Variants in SAMD5 observed in about 807,000 individuals in gnomAD.
SAMD5 encodes the protein sterile alpha motif domain-containing protein 5.
SAMD5 carries 13 observed loss-of-function variants against 11.3 expected under a neutral mutation model. That is an observed-to-expected ratio of 1.15 (90% CI 0.75 to 1.83). The LOEUF is 1.83. SAMD5 is among the 40% of genes most tolerant of loss of function. The pLI is 0.00. For missense variants in SAMD5, 255 were observed against 239.1 expected (o/e 1.07, Z -0.44); for synonymous variants, 129 against 111.3 (o/e 1.16, Z -1.00).
intron 1 of SAMD5, among the ~76,000 whole-genome samples, chr6:147,602,434 A>G (rs1406379829): frequency 6.6e-6 from 1 of 152,166 alleles, no homozygotes; most frequent in East Asian, 1.9e-4. Flanking sequence ...GTGGAAACAA[A>G]CATTGTCACA....
At chr6:147,870,612 A>G in the SAMD5 span, among the ~76,000 whole-genome samples, 2 of 151,674 alleles carry the variant, frequency 1.3e-5, no homozygotes, top group African/African-American at 4.8e-5. Context: ...CTGACACACA[A>G]GGGGGTGTTC....
the SAMD5 span, among the ~76,000 whole-genome samples, chr6:147,849,443 T>C: frequency 1.1e-3 from 164 of 152,264 alleles, 1 homozygote; most frequent in African/African-American, 3.7e-3. Context: ...AAATACGTAC[T>C]TTTTTTCTCC....
intron 1 of SAMD5, among the ~76,000 whole-genome samples, chr6:147,532,849 G>T (rs1788450570): frequency 6.6e-6 from 1 of 152,074 alleles, no homozygotes; most frequent in South Asian, 2.1e-4. Context: ...GTTATGAATG[G>T]GTCCACGTGC....
At chr6:147,644,967 A>C (rs1880187) in intron 1 of SAMD5, among the ~76,000 whole-genome samples, 60,676 of 152,024 alleles carry the variant, frequency 0.4, 13,197 homozygotes, top group Middle Eastern at 0.52. Context: ...GTGGTTTGAT[A>C]TGCATAGAAT....
intron 1 of SAMD5, among the ~76,000 whole-genome samples, chr6:147,539,304 G>T (rs1326617457): frequency 6.6e-6 from 1 of 152,100 alleles, no homozygotes; most frequent in Non-Finnish European, 1.5e-5. Context: ...TCCCAGTCGC[G>T]GGCGAGGATG....
the SAMD5 span, among the ~76,000 whole-genome samples, chr6:147,922,123 G>C: frequency 6.6e-6 from 1 of 152,186 alleles, no homozygotes; most frequent in South Asian, 2.1e-4. Context: ...CTCCTGACTT[G>C]ATTGAGGTCC....
intron 1 of SAMD5, among the ~76,000 whole-genome samples, chr6:147,512,461 C>T (rs1788105027): frequency 1.3e-5 from 2 of 152,096 alleles, no homozygotes; most frequent in South Asian, 4.1e-4. Context: ...GGGGTCTTCC[C>T]AAGAATCACC....
intron 1 of SAMD5, among the ~76,000 whole-genome samples, chr6:147,587,580 G>T (rs576643385): frequency 6.6e-6 from 1 of 152,146 alleles, no homozygotes; most frequent in Non-Finnish European, 1.5e-5. Context: ...ATATCATCTG[G>T]TATAAAAAAT....
intron 1 of SAMD5, among the ~76,000 whole-genome samples, chr6:147,607,473 A>G (rs907634233): frequency 6.6e-6 from 1 of 152,200 alleles, no homozygotes; most frequent in Non-Finnish European, 1.5e-5. Context: ...ACTGGCATTA[A>G]AAACAGACAC....
intron 1 of SAMD5, among the ~76,000 whole-genome samples, chr6:147,705,925 A>G (rs1215540181): frequency 6.6e-6 from 1 of 152,228 alleles, no homozygotes; most frequent in Non-Finnish European, 1.5e-5. Flanking sequence ...TAGGCCTTTT[A>G]GTGGGTTGAA....
intron 1 of SAMD5, among the ~76,000 whole-genome samples, chr6:147,620,985 TGTGTGC>T (rs1262065174): frequency 2.1e-5 from 3 of 144,618 alleles, no homozygotes; most frequent in Admixed American, 7.1e-5. Context: ...TGTGTGTGTG[TGTGTGC>T]GCGCGCGCAC....
At chr6:147,550,459 T>C (rs1359668333) in intron 1 of SAMD5, among the ~76,000 whole-genome samples, 1 of 152,128 alleles carries the variant, frequency 6.6e-6, no homozygotes, top group African/African-American at 2.4e-5. Flanking sequence ...ACTCATATGT[T>C]TATCACAGCA....
chr6:147,860,938 A>G, the SAMD5 span, among the ~76,000 whole-genome samples: 1,202 of 152,328 alleles, frequency 7.9e-3, 17 homozygotes, highest in African/African-American at 0.028. Flanking sequence ...GATAACAGGA[A>G]TACGTGGATA....
chr6:147,836,129 C>T, the SAMD5 span, among the ~76,000 whole-genome samples: 1 of 152,188 alleles, frequency 6.6e-6, no homozygotes, highest in Non-Finnish European at 1.5e-5. Flanking sequence ...CACCTCCCAA[C>T]CCCAGTATTT....
chr6:147,727,198 T>G (rs4102644), intron 1 of SAMD5, among the ~76,000 whole-genome samples: 7,525 of 152,254 alleles, frequency 0.049, 386 homozygotes, highest in African/African-American at 0.13. Flanking sequence ...CATTTCCATT[T>G]CCTGAACAGA....
At chr6:147,513,026 A>T (rs1237817433) in intron 1 of SAMD5, among the ~76,000 whole-genome samples, 1 of 152,062 alleles carries the variant, frequency 6.6e-6, no homozygotes. Context: ...TAAGGGAAAG[A>T]GTGTTCTCAG....
chr6:147,645,591 A>G (rs1396213061), intron 1 of SAMD5, among the ~76,000 whole-genome samples: 1 of 152,218 alleles, frequency 6.6e-6, no homozygotes, highest in African/African-American at 2.4e-5. Context: ...ATGATCTTGC[A>G]CAGGTGTGTG....
chr6:147,665,666 G>A (rs969377075), intron 1 of SAMD5, among the ~76,000 whole-genome samples: 10 of 152,104 alleles, frequency 6.6e-5, no homozygotes, highest in African/African-American at 2.4e-4. Context: ...CACAACTGGA[G>A]CCCCTGAAGC....
At chr6:147,630,901 GAC>G (rs1790140099) in intron 1 of SAMD5, among the ~76,000 whole-genome samples, 1 of 152,210 alleles carries the variant, frequency 6.6e-6, no homozygotes, top group Non-Finnish European at 1.5e-5. Flanking sequence ...GACTCGGGAA[GAC>G]AGTCTTCCTT....
Sources: gnomAD v4.1 joint callset for allele counts (sites outside exome capture counted in the v4.1 genomes callset) on GRCh38, gnomAD v4.1.1 for gene constraint, MANE v1.5 for transcripts, NCBI Gene and HGNC (gene_info 2026-07-23, HGNC 2026-07-21) for gene names.